Variants in KIF1B observed in about 807,000 individuals in gnomAD.
KIF1B encodes kinesin-like protein KIF1B.
Under a neutral mutation model 241.9 loss-of-function variants are expected in KIF1B, and 76 were observed. The observed-to-expected ratio is 0.31, with a 90% confidence interval of 0.26 to 0.38. The LOEUF is 0.38. KIF1B is among the 10% of genes least tolerant of loss of function. The pLI is 1.00. For synonymous variants in KIF1B, 750 were observed against 796.7 expected, an observed-to-expected ratio of 0.94 and a Z score of 0.99; for missense variants, 1,622 against 2,271.4, an observed-to-expected ratio of 0.71 and a Z score of 5.81.
chr1:10,321,469 C>A (rs534483199), intron 23 of KIF1B, among the ~76,000 whole-genome samples: 17 of 151,914 alleles, frequency 1.1e-4, no homozygotes, highest in Non-Finnish European at 1.8e-4. Flanking sequence ...AAATTTATTT[C>A]TTTGTTGTAC....
intron 2 of KIF1B, among the ~76,000 whole-genome samples, chr1:10,252,086 C>G (rs2102172713): frequency 6.6e-6 from 1 of 152,236 alleles, no homozygotes; most frequent in South Asian, 2.1e-4. Context: ...GTTGCCCAGG[C>G]TGGAGTGCAG....
At chr1:10,242,322 AC>A (rs1162473092) in intron 2 of KIF1B, among the ~76,000 whole-genome samples, 2 of 151,950 alleles carry the variant, frequency 1.3e-5, no homozygotes, top group Non-Finnish European at 2.9e-5. Context: ...GAGTGTACTT[AC>A]ACAAACCTAC....
intron 38 of KIF1B, among the ~76,000 whole-genome samples, chr1:10,358,835 G>T (rs1638333226): frequency 6.6e-6 from 1 of 152,106 alleles, no homozygotes; most frequent in South Asian, 2.1e-4. Flanking sequence ...CACATGAAGG[G>T]TTTCCTCCTG....
chr1:10,221,974 C>T (rs1244013816), intron 1 of KIF1B, among the ~76,000 whole-genome samples: 1 of 152,064 alleles, frequency 6.6e-6, no homozygotes, highest in East Asian at 1.9e-4. Context: ...TGCCACCATG[C>T]CTGGCTAATT....
intron 28 of KIF1B, among the ~76,000 whole-genome samples, chr1:10,336,157 C>CT (rs1320136096): frequency 2.6e-5 from 4 of 151,670 alleles, no homozygotes; most frequent in East Asian, 1.9e-4. Context: ...AAAACTGATT[C>CT]TTTTTTTTTG....
chr1:10,247,026 A>C (rs2102161797), intron 2 of KIF1B, among the ~76,000 whole-genome samples: 1 of 152,182 alleles, frequency 6.6e-6, no homozygotes, highest in East Asian at 1.9e-4. Context: ...TACCACACCC[A>C]GCTAATTTTT....
In KIF1B at chr1:10,222,968, T is replaced by C. The variant is rs553299664; in HGVS notation, c.-79-9282T>C. Among the ~76,000 whole-genome samples, 5 of 152,318 alleles carry C rather than the reference T, an allele frequency of 3.3e-5. No homozygotes were observed. In the South Asian group the frequency reaches 1.0e-3, roughly 32 times the overall value. On this transcript the variant is annotated intron_variant, in intron 1 of 48. Transcript: ENST00000676179. ...TCCTATAACTTCTTAAAAATAACTC[T>C]GTAGGCTGGGTGTGGTGGCTCACGC...
intron 10 of KIF1B, among the ~76,000 whole-genome samples, chr1:10,274,443 A>T (rs1272299853): frequency 6.6e-6 from 1 of 152,234 alleles, no homozygotes; most frequent in Non-Finnish European, 1.5e-5. Flanking sequence ...AAGTAGACTT[A>T]ATAGAACATT....
intron 16 of KIF1B, 132 bp downstream of exon 16, chr1:10,291,293 A>C (rs937558551): frequency 1.5e-6 from 1 of 663,758 alleles, no homozygotes; most frequent in African/African-American, 1.8e-5. Flanking sequence ...AAACCAAAAA[A>C]ATGGACAGGG....
chr1:10,254,317 A>G (rs1344922579), intron 2 of KIF1B, among the ~76,000 whole-genome samples: 2 of 152,180 alleles, frequency 1.3e-5, no homozygotes. Context: ...TTGGCTGCTA[A>G]CTTACCTAGG....
chr1:10,296,495 A>G (rs1420129574), intron 19 of KIF1B, 87 bp from the exon 20 acceptor site: 2 of 1,084,652 alleles, frequency 1.8e-6, no homozygotes, highest in East Asian at 4.9e-5. Context: ...TATTCTACTT[A>G]CTGCAAATCC....
At position 10,363,318 on chromosome 1, in the gene KIF1B, G is replaced by A. The variant is rs1002153128; in HGVS notation, c.4340G>A (p.Cys1447Tyr). 4 of 1,613,450 alleles carry A rather than the reference G, an allele frequency of 2.5e-6. No individual in the cohort carries two copies. In the Admixed American group the frequency reaches 6.7e-5, roughly 27 times the overall value. Reference protein sequence around the residue: ...RVTGIYELSLCKMSDTGSPGM... With the variant: ...RVTGIYELSLYKMSDTGSPGM... The stretch of plus-strand genomic sequence containing the variant: ...ACTGGCATTTACGAACTCAGCTTAT[G>A]CAAAATGTCAGACACAGGTAGTCCA... The change falls in exon 41 of 49, where the codon TGC becomes TAC. Residue 1447 changes from cysteine to tyrosine, a missense_variant. By Grantham distance (194) the Cys-to-Tyr change is radical. Around this residue, in one of 7 missense-constraint regions of KIF1B, gnomAD observed 803 missense variants for 1,112.0 expected, o/e 0.72. Transcript: ENST00000676179.
At chr1:10,261,450 G>C (rs1486289638) in intron 4 of KIF1B, among the ~76,000 whole-genome samples, 1 of 151,720 alleles carries the variant, frequency 6.6e-6, no homozygotes, top group African/African-American at 2.4e-5. Flanking sequence ...CACCATGTTG[G>C]CCAAGATGTT....
In KIF1B at chr1:10,303,203, C is replaced by A; in HGVS notation, c.2115+5957C>A. On this transcript the variant is annotated intron_variant, in intron 22 of 48. Transcript: ENST00000676179. The surrounding 1 kb of genome is among the most constrained non-coding windows in gnomAD (Gnocchi z 5.2). ...AGCGGGGACGATTCTGACAAGAGGT[C>A]GTGTGAAGAGAGCTGGAAACTGATT... 1.2e-6 allele frequency: 2 copies of A among 1,613,832 alleles called. No individual in the cohort carries two copies. The highest frequency in any genetic ancestry group is 1.7e-6 in the Non-Finnish European group (2 of 1,179,962).
chr1:10,289,111 C>T (rs1379120327), intron 15 of KIF1B, among the ~76,000 whole-genome samples: 1 of 152,188 alleles, frequency 6.6e-6, no homozygotes, highest in African/African-American at 2.4e-5. Flanking sequence ...TTTCTTACTT[C>T]ATCTCCATGA....
chr1:10,218,801 A>G (rs1263545803), intron 1 of KIF1B, among the ~76,000 whole-genome samples: 1 of 152,218 alleles, frequency 6.6e-6, no homozygotes, highest in Non-Finnish European at 1.5e-5. Context: ...ACTACACAAC[A>G]TATTTACAGT....
chr1:10,302,285 AAC>A (rs935118321), intron 22 of KIF1B, among the ~76,000 whole-genome samples: 6 of 152,194 alleles, frequency 3.9e-5, no homozygotes, highest in African/African-American at 1.4e-4. Context: ...AACAAGACAA[AAC>A]ACACCCACTA....
At chr1:10,289,201 A>G (rs1054209668) in intron 15 of KIF1B, among the ~76,000 whole-genome samples, 4 of 151,650 alleles carry the variant, frequency 2.6e-5, no homozygotes, top group Non-Finnish European at 5.9e-5. Flanking sequence ...CCTAATTGCT[A>G]CTTGTCCTTC....
Position 10,213,096 on chromosome 1 carries a change from A to G in KIF1B, c.-80+2218A>G, listed in dbSNP as rs1646719138. On this transcript the variant is annotated intron_variant, in intron 1 of 48. Coordinates refer to ENST00000676179, the MANE Select transcript of KIF1B (RefSeq NM_001365951.3). ...CATTACACTAGTATGAGAGAAATAC[A>G]GAATGTCTGTTTTGAAATTCCATGC... Among the ~76,000 whole-genome samples the G allele has an allele frequency of 1.3e-5, 2 of 151,962 alleles. 1 individual carries two copies. The highest frequency in any genetic ancestry group is 4.8e-5 in the African/African-American group (2 of 41,408).
Sources: gnomAD v4.1 joint callset for allele counts (sites outside exome capture counted in the v4.1 genomes callset) on GRCh38, gnomAD v4.1.1 for gene constraint, gnomAD v4.1.1 regional missense constraint, Gnocchi (gnomAD v3.1) non-coding constraint, MANE v1.5 for transcripts, NCBI Gene and HGNC (gene_info 2026-07-23, HGNC 2026-07-21) for gene names.